The following ADCY6 variants were observed in gnomAD, a reference collection of about 807,000 sequenced individuals.
ADCY6 encodes adenylate cyclase type 6.
In ADCY6, 59 loss-of-function variants were observed where a neutral mutation model predicts 111.6. The ratio of observed to expected loss-of-function variants is 0.53; its 90% confidence interval spans 0.43 to 0.66. The LOEUF is 0.66. ADCY6 is among the 30% of genes least tolerant of loss of function. ADCY6 has a pLI of 0.00. For missense variants in ADCY6, 1,242 were observed against 1,595.6 expected, an observed-to-expected ratio of 0.78 and a Z score of 3.78; for synonymous variants, 576 against 642.9, an observed-to-expected ratio of 0.90 and a Z score of 1.57.
In ADCY6 at chr12:48,776,154, TC is replaced by T; in HGVS notation, c.1677+54del. The T allele has an allele frequency of 1.9e-6, 3 of 1,613,798 alleles. No individual in the cohort carries two copies. The highest frequency in any genetic ancestry group is 2.5e-6 in the Non-Finnish European group (3 of 1,179,868). On this transcript the variant is annotated intron_variant, in intron 8 of 21. Coordinates refer to ENST00000357869, the MANE Select transcript of ADCY6 (RefSeq NM_015270.5). This position sits in a 1 kb window ranked among gnomAD's most constrained non-coding sequence, Gnocchi z 6.1. ...CCCAGAGGAGGCCTTGGCCTGCTCC[TC>T]CCCATTTGTCCCTCTTCTTGCTCCC...
Position 48,773,963 on chromosome 12 carries a change from T to C in ADCY6, c.2419A>G (p.Met807Val). Residue 807 changes from methionine (M) to valine (V), a missense_variant, in exon 15 of 22, where the codon ATG becomes GTG. By Grantham distance (21) the Met-to-Val change is conservative. Around this residue, in one of 4 missense-constraint regions of ADCY6, gnomAD observed 375 missense variants for 432.5 expected, o/e 0.87. Coordinates refer to ENST00000357869, the MANE Select transcript of ADCY6 (RefSeq NM_015270.5). ...ACCTCAGGAAAGCTGCAGGTGGGCA[T>C]GGTGCCCTCACACAGGGGAGCATCC... is the stretch of plus-strand genomic sequence containing the variant. ...GLDAPLCEGT[M>V]PTCSFPEYFI... 6.2e-7 allele frequency: 1 copy of C among 1,613,888 alleles called. No individual in the cohort carries two copies.
At chr12:48,773,775 C>A (rs760704832) in intron 15 of ADCY6, 128 bp from the exon 16 acceptor site, 2 of 1,440,044 alleles carry the variant, frequency 1.4e-6, no homozygotes, top group South Asian at 2.4e-5. Context: ...ATATCCTCCA[C>A]CTTCCATGCC....
chr12:48,783,062 C>T lies in ADCY6; in HGVS notation c.373G>A (p.Val125Met), dbSNP rs1411340092. The T allele has an allele frequency of 6.2e-6, 10 of 1,613,172 alleles. No homozygotes were observed. The highest frequency in any genetic ancestry group is 8.5e-6 in the Non-Finnish European group (10 of 1,179,764). Residue 125 changes from valine (V) to methionine (M), a missense_variant, in exon 2 of 22, where the codon GTG (valine) becomes ATG (methionine). Physicochemically the swap from Val to Met is conservative, Grantham distance 21. Around this residue, in one of 4 missense-constraint regions of ADCY6, gnomAD observed 362 missense variants for 377.2 expected, o/e 0.96. Coordinates refer to ENST00000357869, the MANE Select transcript of ADCY6 (RefSeq NM_015270.5). ...GRSCWRRLVQ[V>M]FQSKQFRSAK... ...GAACGGAACTGCTTCGACTGGAACA[C>T]CTGCACCAGACGGCGCCAGCAGGAT... is the stretch of plus-strand genomic sequence containing the variant.
At chr12:48,778,327 C>A in intron 2 of ADCY6, 70 bp from the exon 3 acceptor site, 1 of 1,598,038 alleles carries the variant, frequency 6.3e-7, no homozygotes, top group South Asian at 1.1e-5. Context: ...CACACACATT[C>A]ACACAACTTG....
chr12:48,786,076 G>A (rs919725511), intron 1 of ADCY6, among the ~76,000 whole-genome samples: 37 of 152,180 alleles, frequency 2.4e-4, no homozygotes, highest in African/African-American at 8.7e-4. Flanking sequence ...TGCTCACAGA[G>A]TACCCTGAGG....
At chr12:48,786,714 A>G (rs2137400271) in intron 1 of ADCY6, among the ~76,000 whole-genome samples, 1 of 152,284 alleles carries the variant, frequency 6.6e-6, no homozygotes, top group South Asian at 2.1e-4. Flanking sequence ...ACAGATCAGG[A>G]ATACAAGACT....
At position 48,768,617 on chromosome 12, in the gene ADCY6, A is replaced by C. The variant is rs1654360784; in HGVS notation, c.3481T>G (p.Phe1161Val). Residue 1161 changes from phenylalanine (F) to valine (V), a missense_variant, in exon 22 of 22, where the codon TTC becomes GTC. Transcript: ENST00000357869. ...TAACTGCTGGGGCCCCCATTGAGGA[A>C]GTAGGTGGTCATCTCCCCCTTGCCC... ...VKGKGEMTTY[F>V]LNGGPSS 6.2e-7 allele frequency: 1 copy of C among 1,614,104 alleles called. No homozygotes were observed. Among genetic ancestry groups the C allele is most frequent in the Non-Finnish European group, 8.5e-7 (1 of 1,179,990 alleles).
At position 48,782,551 on chromosome 12, in the gene ADCY6, C is replaced by T; in HGVS notation, c.864+20G>A. 6.3e-7 allele frequency: 1 copy of T among 1,596,560 alleles called. No individual in the cohort carries two copies. The highest frequency in any genetic ancestry group is 8.5e-7 in the Non-Finnish European group (1 of 1,171,232). On this transcript the variant is annotated intron_variant, in intron 2 of 21. Transcript: ENST00000357869. This position sits in a 1 kb window ranked among gnomAD's most constrained non-coding sequence, Gnocchi z 4.3. ...ATTCCCCACCTGCTGCCCTCCATCC[C>T]TACCTCCCTGGCCACCTACCTGCTT...
At chr12:48,778,861 C>G (rs1941773742) in intron 2 of ADCY6, among the ~76,000 whole-genome samples, 1 of 144,726 alleles carries the variant, frequency 6.9e-6, no homozygotes, top group Admixed American at 6.9e-5. Flanking sequence ...CTTCTATACA[C>G]TGAATAACAC....
Position 48,771,675 on chromosome 12 carries a change from C to G in ADCY6, c.3051+35G>C, listed in dbSNP as rs775241937. 6.2e-7 allele frequency: 1 copy of G among 1,612,760 alleles called. No homozygotes were observed. The highest frequency in any genetic ancestry group is 8.5e-7 in the Non-Finnish European group (1 of 1,180,020). On this transcript the variant is annotated intron_variant, in intron 19 of 21. Transcript: ENST00000357869. The surrounding 1 kb of genome is among the most constrained non-coding windows in gnomAD (Gnocchi z 4.3). ...CAATCCCTGGTCTCCAAGTACCCCC[C>G]ACTCTCTGCCACCACCAGCCAACTG...
intron 2 of ADCY6, 127 bp from the exon 3 acceptor site, chr12:48,778,384 C>A: frequency 8.5e-7 from 1 of 1,178,894 alleles, no homozygotes; most frequent in African/African-American, 1.5e-5. Context: ...CCTGTCTGTC[C>A]CCAAGCCACT....
rs764828550 is a variant in ADCY6 at position 48,782,909 on chromosome 12, G to A, written c.526C>T (p.Pro176Ser). 7 of 1,613,656 alleles carry A rather than the reference G, an allele frequency of 4.3e-6. No individual in the cohort carries two copies. In the South Asian group the frequency reaches 5.5e-5, roughly 13 times the overall value. The change falls in exon 2 of 22, where the codon CCT (proline) becomes TCT (serine). Residue 176 changes from proline to serine, a missense_variant. Physicochemically the swap from Pro to Ser is moderately conservative, Grantham distance 74. Transcript: ENST00000357869. This position sits in a 1 kb window ranked among gnomAD's most constrained non-coding sequence, Gnocchi z 4.3. Reference protein sequence around the residue: ...LLAFHAAPARPQPAYVALLAC... With the variant: ...LLAFHAAPARSQPAYVALLAC... ...AACAGTGCCACATAGGCAGGCTGAGGGCGGGCGGGTGCGGCGTGGAAAGCC... is the reference window on the plus strand; with the variant it reads ...AACAGTGCCACATAGGCAGGCTGAGAGCGGGCGGGTGCGGCGTGGAAAGCC...
rs761053470 is a variant in ADCY6 at position 48,774,496 on chromosome 12, C to T, written c.2189G>A (p.Arg730His). 2.0e-5 allele frequency: 32 copies of T among 1,613,788 alleles called. No homozygotes were observed. The highest frequency in any genetic ancestry group is 5.3e-5 in the African/African-American group (4 of 74,838). The change falls in exon 14 of 22, where the codon CGT (arginine) becomes CAT (histidine). Residue 730 changes from arginine to histidine, a missense_variant. Arg to His is a conservative substitution (Grantham distance 29, BLOSUM62 0). Coordinates refer to ENST00000357869, the MANE Select transcript of ADCY6 (RefSeq NM_015270.5). ...CGSLFPKALQ[R>H]LSRSIVRSRA... ...TGAGCGGACAATGCTGCGGGACAGA[C>T]GTTGCAGGGCCTTAGGGAACAGCTA...
intron 15 of ADCY6, 63 bp from the exon 16 acceptor site, chr12:48,773,710 G>C (rs1205801822): frequency 1.3e-6 from 2 of 1,587,878 alleles, no homozygotes; most frequent in South Asian, 2.2e-5. Context: ...TGGGCAGGGA[G>C]AGCCCTGCAC....
chr12:48,769,413 C>CA (rs111727567), intron 20 of ADCY6, among the ~76,000 whole-genome samples: 3,676 of 37,460 alleles, frequency 0.098, 101 homozygotes, highest in African/African-American at 0.11. Flanking sequence ...ATCCCCATCT[C>CA]AAAAAAAAAA....
chr12:48,770,760 T>G lies in ADCY6; in HGVS notation c.3256+6A>C. On this transcript the variant is annotated splice_donor_region_variant and intron_variant, in intron 20 of 21. Transcript: ENST00000357869. ...GAAAACCCGCCAAGCAACAAAGCCC[T>G]CTTACCAATCTTCATCTGGAAATTG... 6.2e-7 allele frequency: 1 copy of G among 1,613,486 alleles called. No homozygotes were observed. The highest frequency in any genetic ancestry group is 8.5e-7 in the Non-Finnish European group (1 of 1,179,692).
In ADCY6 at chr12:48,771,028, C is replaced by T; in HGVS notation, c.3052-58G>A. 2 of 1,557,082 alleles carry T rather than the reference C, an allele frequency of 1.3e-6. No individual in the cohort carries two copies. The highest frequency in any genetic ancestry group is 1.8e-6 in the Non-Finnish European group (2 of 1,139,176). The stretch of plus-strand genomic sequence containing the variant: ...CAAAGACCCCAGACCCAGCCCTGCC[C>T]CAACACTCATTTCTTGCCACGCCTT... On this transcript the variant is annotated intron_variant, in intron 19 of 21. Coordinates refer to ENST00000357869, the MANE Select transcript of ADCY6 (RefSeq NM_015270.5). This position sits in a 1 kb window ranked among gnomAD's most constrained non-coding sequence, Gnocchi z 4.3.
At chr12:48,778,710 T>C (rs1303859212) in intron 2 of ADCY6, among the ~76,000 whole-genome samples, 1 of 152,144 alleles carries the variant, frequency 6.6e-6, no homozygotes, top group Non-Finnish European at 1.5e-5. Flanking sequence ...TGCTCATCTA[T>C]AACCCAAAGA....
chr12:48,787,416 C>G (rs574821485), intron 1 of ADCY6, among the ~76,000 whole-genome samples: 22 of 152,324 alleles, frequency 1.4e-4, no homozygotes, highest in Non-Finnish European at 1.9e-4. Context: ...TCTGACCCCC[C>G]CCAAGGGGAT....
Sources: allele counts gnomAD v4.1 joint callset (sites outside exome capture counted in the v4.1 genomes callset), GRCh38; gene constraint gnomAD v4.1.1; regional missense constraint gnomAD v4.1.1; non-coding constraint Gnocchi (gnomAD v3.1); transcripts MANE v1.5; gene names NCBI Gene and HGNC (gene_info 2026-07-23, HGNC 2026-07-21).